Variants in RGS6 observed in about 807,000 individuals in gnomAD.
RGS6 encodes regulator of G protein signaling 6.
Under a neutral mutation model 78.5 loss-of-function variants are expected in RGS6, and 30 were observed. The observed-to-expected ratio is 0.38, with a 90% CI of 0.29 to 0.52. RGS6 has a LOEUF of 0.52. Ranked by LOEUF, RGS6 falls within the 20% of genes least tolerant of loss-of-function variation. RGS6 has a pLI of 0.85. For missense variants in RGS6, 495 were observed against 609.7 expected (o/e 0.81, Z 1.98); for synonymous variants, 206 against 206.0 (o/e 1.00, Z 0.00).
At chr14:72,063,184 C>T (rs979855943) in intron 2 of RGS6, among the ~76,000 whole-genome samples, 1 of 152,018 alleles carries the variant, frequency 6.6e-6, no homozygotes, top group African/African-American at 2.4e-5. Flanking sequence ...AGAACTGAAT[C>T]TGGGGTGCTC....
intron 2 of RGS6, among the ~76,000 whole-genome samples, chr14:72,011,457 T>C (rs1302554833): frequency 6.6e-6 from 1 of 152,186 alleles, no homozygotes; most frequent in Non-Finnish European, 1.5e-5. Context: ...ATTTTGCTCA[T>C]GGCATTCCCT....
chr14:72,336,203 G>T (rs552046693), intron 2 of RGS6, among the ~76,000 whole-genome samples: 18 of 152,246 alleles, frequency 1.2e-4, no homozygotes, highest in Middle Eastern at 3.4e-3. Context: ...AAGTATAAGG[G>T]TTTACATTTA....
intron 17 of RGS6, chr14:72,540,932 G>A (rs187045830): frequency 4.2e-5 from 41 of 985,430 alleles, no homozygotes; most frequent in Non-Finnish European, 3.9e-5. Context: ...GCTGTTCCCT[G>A]GGGTGCATGG....
At chr14:72,386,301 G>T (rs777747536) in intron 3 of RGS6, among the ~76,000 whole-genome samples, 2 of 152,160 alleles carry the variant, frequency 1.3e-5, no homozygotes, top group Non-Finnish European at 2.9e-5. Context: ...AATTTGGGAG[G>T]CTGAGGCGGG....
At chr14:72,406,685 A>G (rs1038785865) in intron 3 of RGS6, among the ~76,000 whole-genome samples, 2 of 152,186 alleles carry the variant, frequency 1.3e-5, no homozygotes, top group East Asian at 1.9e-4. Context: ...GTGTTTGGCA[A>G]TGTCTGTTAC....
chr14:72,598,730 T>A, the RGS6 span, among the ~76,000 whole-genome samples: 7 of 152,210 alleles, frequency 4.6e-5, no homozygotes, highest in Non-Finnish European at 8.8e-5. Flanking sequence ...AGATCTGTGG[T>A]CCAGGGTTCT....
intron 1 of RGS6, among the ~76,000 whole-genome samples, chr14:71,942,598 C>G (rs1373366490): frequency 6.6e-6 from 1 of 152,184 alleles, no homozygotes; most frequent in Non-Finnish European, 1.5e-5. Flanking sequence ...AAGTAAGATC[C>G]AGGCCTCCTG....
Position 72,410,662 on chromosome 14 carries a change from G to A in RGS6, c.185-43866G>A, listed in dbSNP as rs541326580. Among the ~76,000 whole-genome samples, 6 of 152,280 alleles carry A rather than the reference G, an allele frequency of 3.9e-5. No homozygotes were observed. In the East Asian group the frequency reaches 1.2e-3, roughly 29 times the overall value. The stretch of plus-strand genomic sequence containing the variant: ...CTTGCCCACGCCTATGTCCTGAATG[G>A]TATTGCCTAGGTTTTCTTGTAGGGT... On this transcript the variant is annotated intron_variant, in intron 3 of 17. Coordinates refer to ENST00000553525, the MANE Select transcript of RGS6 (RefSeq NM_001204424.2).
chr14:72,564,107 CCA>C lies in RGS6; in HGVS notation c.*1645_*1646del, dbSNP rs2097698972. The C allele has an allele frequency of 6.6e-6, 1 of 152,320 alleles. No homozygotes were observed. The highest frequency in any genetic ancestry group is 2.4e-5 in the African/African-American group (1 of 41,468). The allele number at this position is 152,320 out of a possible 1,614,324, so 9.4% of individuals were successfully genotyped here. A position where few individuals can be genotyped will look rare whatever the true frequency, so the allele number is the denominator to read the frequency against. Reference sequence around the variant, plus strand: ...CTCCAAGTCCTGTCTATGTCTGCTTCCACACAGCCCTGTCCCCAGGGCACCAG... The same window carrying C: ...CTCCAAGTCCTGTCTATGTCTGCTTCCACAGCCCTGTCCCCAGGGCACCAG... On this transcript the variant is annotated 3_prime_UTR_variant, in exon 18 of 18. Coordinates refer to ENST00000553525, the MANE Select transcript of RGS6 (RefSeq NM_001204424.2).
chr14:72,159,467 CA>C lies in RGS6; in HGVS notation c.85-192626del, dbSNP rs570906142. On this transcript the variant is annotated intron_variant, in intron 2 of 17. Transcript: ENST00000553525. Reference sequence around the variant, plus strand: ...GAACTTTGCCTCTTGGCCTCTCAGTCAATTGTGATCTGACTGACATCCAGAT... The same window carrying C: ...GAACTTTGCCTCTTGGCCTCTCAGTCATTGTGATCTGACTGACATCCAGAT... Among the ~76,000 whole-genome samples the C allele has an allele frequency of 1.9e-3, 292 of 152,312 alleles. 5 individuals carry two copies. Among genetic ancestry groups the C allele is most frequent in the Non-Finnish European group, 2.1e-3 (142 of 68,028 alleles).
chr14:72,294,422 G>A (rs930333077), intron 2 of RGS6, among the ~76,000 whole-genome samples: 2 of 152,134 alleles, frequency 1.3e-5, no homozygotes, highest in East Asian at 1.9e-4. Context: ...ATTGGTTAGG[G>A]GGCTTGTTGG....
At chr14:72,072,276 G>C (rs574774688) in intron 2 of RGS6, among the ~76,000 whole-genome samples, 1 of 151,602 alleles carries the variant, frequency 6.6e-6, no homozygotes, top group South Asian at 2.1e-4. Context: ...AGTGGATGTA[G>C]GTCTAGGAAG....
chr14:72,079,328 G>A lies in RGS6; in HGVS notation c.84+114453G>A, dbSNP rs547359160. On this transcript the variant is annotated intron_variant, in intron 2 of 17. Coordinates refer to ENST00000553525, the MANE Select transcript of RGS6 (RefSeq NM_001204424.2). ...ATATCACTAGTCACATATATTATCT[G>A]TGTAGACTTAGCTATATTATCATAT... Among the ~76,000 whole-genome samples the A allele has an allele frequency of 2.0e-5, 3 of 152,174 alleles. No homozygotes were observed. The South Asian group carries it at 6.2e-4, about 32-fold the overall frequency.
chr14:72,068,775 G>T (rs1473543744), intron 2 of RGS6, among the ~76,000 whole-genome samples: 1 of 151,830 alleles, frequency 6.6e-6, no homozygotes, highest in Admixed American at 6.6e-5. Flanking sequence ...GATTACAGGT[G>T]TGAGCCACTG....
chr14:72,623,573 T>A, the RGS6 span, among the ~76,000 whole-genome samples: 1 of 152,218 alleles, frequency 6.6e-6, no homozygotes, highest in Non-Finnish European at 1.5e-5. Context: ...GTGCATCAAA[T>A]GAGTAATTAT....
intron 2 of RGS6, among the ~76,000 whole-genome samples, chr14:72,240,244 G>T (rs925829823): frequency 5.6e-4 from 85 of 152,292 alleles, no homozygotes; most frequent in Middle Eastern, 3.4e-3. Context: ...TAGAGCTGCA[G>T]CCTTGATCCT....
chr14:72,107,333 AT>A (rs1204157247), intron 2 of RGS6, among the ~76,000 whole-genome samples: 1 of 152,018 alleles, frequency 6.6e-6, no homozygotes, highest in Non-Finnish European at 1.5e-5. Flanking sequence ...AAATTGTCCC[AT>A]TTTTGGCCAG....
intron 3 of RGS6, among the ~76,000 whole-genome samples, chr14:72,422,857 A>G (rs962737366): frequency 2.6e-5 from 4 of 152,210 alleles, no homozygotes; most frequent in African/African-American, 9.6e-5. Context: ...GCCCATCTGC[A>G]AGTCAAGGAG....
chr14:72,159,961 G>A (rs189962631), intron 2 of RGS6, among the ~76,000 whole-genome samples: 44 of 152,266 alleles, frequency 2.9e-4, no homozygotes, highest in Non-Finnish European at 5.6e-4. Flanking sequence ...TCAACTTAAG[G>A]TACTTTACAA....
Sources: gnomAD v4.1 joint callset for allele counts (sites outside exome capture counted in the v4.1 genomes callset) on GRCh38, gnomAD v4.1.1 for gene constraint, MANE v1.5 for transcripts, NCBI Gene and HGNC (gene_info 2026-07-23, HGNC 2026-07-21) for gene names.